Variants in SH3PXD2A observed in about 807,000 individuals in gnomAD.
The protein encoded by SH3PXD2A is SH3 and PX domain-containing protein 2A.
Under a neutral mutation model 115.2 loss-of-function variants are expected in SH3PXD2A, and 32 were observed. The ratio of observed to expected loss-of-function variants is 0.28; its 90% CI spans 0.21 to 0.37. SH3PXD2A has a LOEUF of 0.37. SH3PXD2A is among the 10% of genes least tolerant of loss of function. The pLI, the probability that SH3PXD2A is intolerant of heterozygous loss-of-function variation, is 1.00. For synonymous variants in SH3PXD2A, 610 were observed against 629.1 expected (o/e 0.97, Z 0.45); for missense variants, 1,328 against 1,498.7 (o/e 0.89, Z 1.88).
intron 5 of SH3PXD2A, among the ~76,000 whole-genome samples, chr10:103,720,645 C>T (rs936615098): frequency 3.3e-5 from 5 of 152,252 alleles, no homozygotes; most frequent in Admixed American, 2.0e-4. Flanking sequence ...ACTCCACAGT[C>T]GCCCCAGAGT....
At chr10:103,608,210 C>A (rs1012215368) in intron 13 of SH3PXD2A, among the ~76,000 whole-genome samples, 4 of 143,970 alleles carry the variant, frequency 2.8e-5, no homozygotes, top group Non-Finnish European at 4.5e-5. Flanking sequence ...AGGGAGAACA[C>A]CACGTGAAGC....
At chr10:103,766,293 G>C (rs2038753789) in intron 3 of SH3PXD2A, among the ~76,000 whole-genome samples, 1 of 152,226 alleles carries the variant, frequency 6.6e-6, no homozygotes, top group South Asian at 2.1e-4. Flanking sequence ...GAAGCCCACT[G>C]TGAAGGGAGC....
At chr10:103,825,013 G>C (rs975714936) in intron 1 of SH3PXD2A, among the ~76,000 whole-genome samples, 1 of 152,182 alleles carries the variant, frequency 6.6e-6, no homozygotes, top group Non-Finnish European at 1.5e-5. Flanking sequence ...AGTTATCCTG[G>C]CTGGTCTTGA....
chr10:103,618,052 A>G (rs552562788), intron 10 of SH3PXD2A, among the ~76,000 whole-genome samples: 154 of 152,360 alleles, frequency 1.0e-3, no homozygotes, highest in Non-Finnish European at 1.8e-3. Flanking sequence ...TCTGCAGAAC[A>G]TGCTGTGCCA....
chr10:103,744,167 T>G (rs1458826216), intron 3 of SH3PXD2A, among the ~76,000 whole-genome samples: 1 of 150,952 alleles, frequency 6.6e-6, no homozygotes, highest in Non-Finnish European at 1.5e-5. Context: ...TTTTTTTTTT[T>G]TTTGCGACAG....
intron 8 of SH3PXD2A, among the ~76,000 whole-genome samples, chr10:103,660,265 G>C (rs1052756922): frequency 6.6e-6 from 1 of 152,096 alleles, no homozygotes; most frequent in Non-Finnish European, 1.5e-5. Flanking sequence ...GACAGGCTTG[G>C]GCTCTCCTCT....
chr10:103,783,924 A>G (rs894517589), intron 2 of SH3PXD2A, among the ~76,000 whole-genome samples: 5 of 152,236 alleles, frequency 3.3e-5, no homozygotes, highest in Non-Finnish European at 7.3e-5. Context: ...CTCTGCTGCC[A>G]GCCCTTCTAA....
intron 1 of SH3PXD2A, among the ~76,000 whole-genome samples, chr10:103,815,034 C>T (rs939389304): frequency 1.3e-5 from 2 of 152,022 alleles, no homozygotes; most frequent in Non-Finnish European, 2.9e-5. Context: ...ATGAGAAGGA[C>T]CTCAGATCAC....
chr10:103,636,697 T>A (rs573792925), intron 8 of SH3PXD2A, among the ~76,000 whole-genome samples: 1 of 152,162 alleles, frequency 6.6e-6, no homozygotes, highest in East Asian at 1.9e-4. Flanking sequence ...ACAATTAGGA[T>A]GTTAATTAAG....
chr10:103,819,232 A>G (rs2039353566), intron 1 of SH3PXD2A, among the ~76,000 whole-genome samples: 1 of 152,196 alleles, frequency 6.6e-6, no homozygotes, highest in African/African-American at 2.4e-5. Flanking sequence ...CTAAGGGACA[A>G]TGTGCTGTAA....
chr10:103,684,597 T>A (rs987291895), intron 6 of SH3PXD2A, among the ~76,000 whole-genome samples: 11 of 152,062 alleles, frequency 7.2e-5, no homozygotes, highest in Non-Finnish European at 1.2e-4. Flanking sequence ...GAGATCCAAC[T>A]GCCTCGGTCT....
chr10:103,792,694 T>C (rs2039046766), intron 2 of SH3PXD2A, among the ~76,000 whole-genome samples: 1 of 152,216 alleles, frequency 6.6e-6, no homozygotes. Context: ...CTGGAGCACA[T>C]GCCCTTAGCC....
intron 3 of SH3PXD2A, chr10:103,749,759 T>A (rs905199730): frequency 2.0e-5 from 3 of 152,228 alleles, no homozygotes; most frequent in African/African-American, 7.2e-5. Flanking sequence ...ACATTGTAAC[T>A]GCCTTCCTCA....
Position 103,661,074 on chromosome 10 carries a change from G to A in SH3PXD2A, c.513C>T (p.Tyr171=), listed in dbSNP as rs1449742495. The change falls in exon 8 of 15, where the codon TAC becomes TAT. Residue 171 remains tyrosine, a synonymous_variant. Transcript: ENST00000369774. ...ATAEPMILEQ[Y]VVVSNYKKQE... is the part of the protein sequence containing the mutation. ...GCTTCTTATAGTTGGACACCACCAC[G>A]TACTGTTCCAGGATCATGGGCTCGG... 1.4e-5 allele frequency: 23 copies of A among 1,613,950 alleles called. No homozygotes were observed. Among genetic ancestry groups the A allele is most frequent in the Non-Finnish European group, 1.9e-5 (23 of 1,179,944 alleles).
chr10:103,595,605 A>G lies in SH3PXD2A; in HGVS notation c.*6211T>C, dbSNP rs916833799. 1 of 152,250 alleles carries G rather than the reference A, an allele frequency of 6.6e-6. No individual in the cohort carries two copies. The highest frequency in any genetic ancestry group is 2.4e-5 in the African/African-American group (1 of 41,428). 9.4% of individuals were successfully genotyped at this position (152,250 alleles called of 1,614,324 possible). Reference sequence around the variant, plus strand: ...TCTTTCACCTCTTGAGGCGCAGCCTATTGGCCAGGATGGAACTGGGAGCAA... The same window carrying G: ...TCTTTCACCTCTTGAGGCGCAGCCTGTTGGCCAGGATGGAACTGGGAGCAA... On this transcript the variant is annotated 3_prime_UTR_variant, in exon 15 of 15. Coordinates refer to ENST00000369774, the MANE Select transcript of SH3PXD2A (RefSeq NM_001394015.1).
chr10:103,629,097 T>G (rs993388996), intron 8 of SH3PXD2A, among the ~76,000 whole-genome samples: 2 of 152,104 alleles, frequency 1.3e-5, no homozygotes, highest in Non-Finnish European at 2.9e-5. Context: ...CCCACACCAA[T>G]TCTCAGGTAA....
At chr10:103,775,785 G>A (rs2038871558) in intron 2 of SH3PXD2A, among the ~76,000 whole-genome samples, 1 of 152,170 alleles carries the variant, frequency 6.6e-6, no homozygotes, top group Non-Finnish European at 1.5e-5. Context: ...CACTCTCAGG[G>A]GTAATTAGGG....
chr10:103,606,479 C>A (rs1233550205), intron 13 of SH3PXD2A, among the ~76,000 whole-genome samples: 1 of 146,300 alleles, frequency 6.8e-6, no homozygotes, highest in South Asian at 2.2e-4. Flanking sequence ...CTCCCCCTCC[C>A]CTTCCCTCTC....
chr10:103,783,665 GGT>G (rs1236330207), intron 2 of SH3PXD2A, among the ~76,000 whole-genome samples: 1 of 152,192 alleles, frequency 6.6e-6, no homozygotes, highest in East Asian at 1.9e-4. Flanking sequence ...CTTCCTCCCT[GGT>G]CACTGAGGTC....
Sources: gnomAD v4.1 joint callset for allele counts (sites outside exome capture counted in the v4.1 genomes callset) on GRCh38, gnomAD v4.1.1 for gene constraint, MANE v1.5 for transcripts, NCBI Gene and HGNC (gene_info 2026-07-23, HGNC 2026-07-21) for gene names.